Variants in JMJD1C observed in about 807,000 individuals in gnomAD.
JMJD1C encodes jumonji domain-containing protein 1C.
In JMJD1C, 31 loss-of-function variants were observed where a neutral mutation model predicts 245.3. The ratio of observed to expected loss-of-function variants is 0.13; its 90% CI spans 0.09 to 0.17. The LOEUF is 0.17. JMJD1C is among the 10% of genes least tolerant of loss of function. The pLI, the probability that JMJD1C is intolerant of heterozygous loss-of-function variation, is 1.00. For missense variants in JMJD1C, 2,691 were observed against 3,000.2 expected, an observed-to-expected ratio of 0.90 and a Z score of 2.41; for synonymous variants, 1,057 against 1,017.4, an observed-to-expected ratio of 1.04 and a Z score of -0.74.
intron 2 of JMJD1C, among the ~76,000 whole-genome samples, chr10:63,326,367 G>A (rs1022217171): frequency 4.0e-5 from 6 of 148,718 alleles, no homozygotes; most frequent in South Asian, 2.1e-4. Flanking sequence ...GAGACAGAGC[G>A]CAATTCCATC....
At chr10:63,481,300 C>G (rs1198899894) in intron 1 of JMJD1C, among the ~76,000 whole-genome samples, 2 of 152,078 alleles carry the variant, frequency 1.3e-5, no homozygotes, top group Admixed American at 1.3e-4. Context: ...TTAAAGTTCA[C>G]TTGGAAATTA....
intron 1 of JMJD1C, among the ~76,000 whole-genome samples, chr10:63,459,898 T>C (rs1024187424): frequency 1.3e-5 from 2 of 152,162 alleles, no homozygotes; most frequent in African/African-American, 4.8e-5. Flanking sequence ...CAGAAAAAGT[T>C]TGGTCAGTCA....
chr10:63,435,897 TCAAA>T (rs1228573188), intron 1 of JMJD1C, among the ~76,000 whole-genome samples: 9 of 152,140 alleles, frequency 5.9e-5, no homozygotes, highest in South Asian at 4.2e-4. Context: ...AGACGCTGTC[TCAAA>T]CAAACAAACT....
At chr10:63,283,920 T>C (rs1415983034) in intron 2 of JMJD1C, among the ~76,000 whole-genome samples, 6 of 152,128 alleles carry the variant, frequency 3.9e-5, no homozygotes, top group Admixed American at 3.9e-4. Context: ...AAATGCTACA[T>C]AGAGAAGCAA....
upstream of JMJD1C, chr10:63,466,056 A>G (rs954636224): frequency 3.2e-5 from 7 of 220,112 alleles, no homozygotes; most frequent in Non-Finnish European, 6.2e-5. Context: ...CAGCCGCGGG[A>G]GGGTCGGCGG....
chr10:63,320,347 T>C (rs541696479), intron 2 of JMJD1C, among the ~76,000 whole-genome samples: 32 of 152,348 alleles, frequency 2.1e-4, no homozygotes, highest in African/African-American at 7.5e-4. Flanking sequence ...GTATTTCTAC[T>C]ACTAATGGCA....
chr10:63,172,372 G>A (rs1299657711), intron 24 of JMJD1C, among the ~76,000 whole-genome samples: 2 of 152,100 alleles, frequency 1.3e-5, no homozygotes, highest in African/African-American at 4.8e-5. Context: ...TTTACAAAAA[G>A]CCCAATACAT....
intron 2 of JMJD1C, chr10:63,301,632 G>A: frequency 3.1e-6 from 1 of 326,648 alleles, no homozygotes. Context: ...ACACAGGGAA[G>A]GAAACATCAC....
At chr10:63,254,922 T>C (rs1853650392) in intron 3 of JMJD1C, among the ~76,000 whole-genome samples, 1 of 149,116 alleles carries the variant, frequency 6.7e-6, no homozygotes. Context: ...GGCGAGACCA[T>C]GGCTCACTGT....
intron 1 of JMJD1C, among the ~76,000 whole-genome samples, chr10:63,459,729 CAA>C (rs1457216898): frequency 6.6e-6 from 1 of 152,024 alleles, no homozygotes; most frequent in Non-Finnish European, 1.5e-5. Flanking sequence ...TTTCATTATT[CAA>C]AAAGAGTGGA....
intron 1 of JMJD1C, among the ~76,000 whole-genome samples, chr10:63,472,414 C>A (rs889388392): frequency 2.6e-5 from 4 of 152,090 alleles, no homozygotes; most frequent in African/African-American, 4.8e-5. Context: ...CTACTGCAAC[C>A]TCCACCTCCT....
At chr10:63,203,433 T>A (rs922336776) in intron 10 of JMJD1C, 34 of 985,198 alleles carry the variant, frequency 3.5e-5, no homozygotes, top group Non-Finnish European at 4.0e-5. Context: ...AGGAAGAAAG[T>A]AAGAGACAAA....
At chr10:63,292,804 G>T (rs1321318222) in intron 2 of JMJD1C, among the ~76,000 whole-genome samples, 1 of 152,006 alleles carries the variant, frequency 6.6e-6, no homozygotes, top group East Asian at 1.9e-4. Flanking sequence ...CAGCACTTTG[G>T]GAGGCTGAAG....
At chr10:63,283,341 G>A (rs918341838) in intron 2 of JMJD1C, among the ~76,000 whole-genome samples, 5 of 149,536 alleles carry the variant, frequency 3.3e-5, no homozygotes, top group African/African-American at 9.8e-5. Flanking sequence ...CCCTGTATTA[G>A]CAACCTGACC....
intron 1 of JMJD1C, among the ~76,000 whole-genome samples, chr10:63,453,974 C>G (rs955997129): frequency 2.6e-5 from 4 of 152,204 alleles, no homozygotes; most frequent in African/African-American, 9.6e-5. Context: ...CCGCTCGCCT[C>G]AGCCTCCCAG....
chr10:63,380,343 C>T lies in JMJD1C; in HGVS notation c.308G>A (p.Ser103Asn). Residue 103 changes from serine to asparagine, a missense_variant, in exon 2 of 26, where the codon AGC (serine) becomes AAC (asparagine). Around this residue, in one of 9 missense-constraint regions of JMJD1C, gnomAD observed 172 missense variants for 240.8 expected, o/e 0.71. Transcript: ENST00000399262. The stretch of plus-strand genomic sequence containing the variant: ...CAATGCAGGCCACTGAATCTGTTTG[C>T]TCTTTGATCCCTGAGTCTGGCTAGG... Reference protein sequence around the residue: ...NDPSQTQGSKSKQIQWPALTF... With the variant: ...NDPSQTQGSKNKQIQWPALTF... 1 of 1,613,990 alleles carries T rather than the reference C, an allele frequency of 6.2e-7. No homozygotes were observed. Among genetic ancestry groups the T allele is most frequent in the Non-Finnish European group, 8.5e-7 (1 of 1,179,962 alleles).
intron 1 of JMJD1C, among the ~76,000 whole-genome samples, chr10:63,474,685 C>T (rs117575625): frequency 5.9e-5 from 9 of 152,074 alleles, no homozygotes; most frequent in South Asian, 2.1e-4. Context: ...TCTGGCGTTA[C>T]GCAATCCTCT....
chr10:63,363,769 C>T (rs1031045312), intron 2 of JMJD1C, among the ~76,000 whole-genome samples: 2 of 152,134 alleles, frequency 1.3e-5, no homozygotes, highest in South Asian at 4.1e-4. Context: ...ATCTCTACTT[C>T]CCAGACTCAA....
chr10:63,362,588 T>G (rs945279053), intron 2 of JMJD1C, among the ~76,000 whole-genome samples: 3 of 152,000 alleles, frequency 2.0e-5, no homozygotes, highest in Non-Finnish European at 4.4e-5. Context: ...GAAATGATCC[T>G]CCCGCCTCAG....
Sources: allele counts gnomAD v4.1 joint callset (sites outside exome capture counted in the v4.1 genomes callset), GRCh38; gene constraint gnomAD v4.1.1; regional missense constraint gnomAD v4.1.1; transcripts MANE v1.5; gene names NCBI Gene and HGNC (gene_info 2026-07-23, HGNC 2026-07-21).